LARGE1: variants seen among roughly 807,000 people sequenced by gnomAD.
The protein encoded by LARGE1 is xylosyl- and glucuronyltransferase LARGE1.
In LARGE1, 43 loss-of-function variants were observed where a neutral mutation model predicts 87.6. The observed-to-expected ratio is 0.49, with a 90% CI of 0.38 to 0.63. The LOEUF is 0.63. Among genes scored for constraint, LARGE1 ranks in the 30% least tolerant of loss-of-function variants. The pLI, the probability that LARGE1 is intolerant of heterozygous loss-of-function variation, is 0.00. For synonymous variants in LARGE1, 434 were observed against 394.6 expected, an observed-to-expected ratio of 1.10 and a Z score of -1.18; for missense variants, 802 against 1,000.2, an observed-to-expected ratio of 0.80 and a Z score of 2.67.
At position 33,372,087 on chromosome 22, in the gene LARGE1, G is replaced by A. The variant is rs370835739; in HGVS notation, c.1131+9832C>T. ...ATGTACTTTAAAATCATAAGGTTAT[G>A]CTATGTTACATTAAATAAAAAACAC... On this transcript the variant is annotated intron_variant, in intron 9 of 14. Transcript: ENST00000397394. 2.6e-5 allele frequency among the ~76,000 whole-genome samples: 4 copies of A among 152,088 alleles called. No individual in the cohort carries two copies. The East Asian group carries it at 5.8e-4, about 22-fold the overall frequency.
intron 7 of LARGE1, among the ~76,000 whole-genome samples, chr22:33,427,289 G>A (rs1160451516): frequency 6.6e-6 from 1 of 152,212 alleles, no homozygotes; most frequent in Non-Finnish European, 1.5e-5. Context: ...ATGGGCAAGA[G>A]CTTCATGCTA....
chr22:33,835,103 C>T (rs1409299486), intron 1 of LARGE1, among the ~76,000 whole-genome samples: 1 of 152,224 alleles, frequency 6.6e-6, no homozygotes, highest in African/African-American at 2.4e-5. Flanking sequence ...CACTCTCCAC[C>T]AGGGAAAATT....
chr22:33,818,719 A>T (rs2086730997), intron 1 of LARGE1, among the ~76,000 whole-genome samples: 1 of 152,168 alleles, frequency 6.6e-6, no homozygotes, highest in Admixed American at 6.5e-5. Flanking sequence ...CCTACCGAAC[A>T]ATGAAAACAA....
At chr22:33,311,297 G>A (rs2146252897) in intron 11 of LARGE1, among the ~76,000 whole-genome samples, 1 of 152,280 alleles carries the variant, frequency 6.6e-6, no homozygotes, top group East Asian at 1.9e-4. Flanking sequence ...CTGCAGCCCA[G>A]GCCAGAAGGA....
chr22:33,632,162 G>T (rs984265150), intron 3 of LARGE1, among the ~76,000 whole-genome samples: 1 of 152,082 alleles, frequency 6.6e-6, no homozygotes, highest in African/African-American at 2.4e-5. Context: ...TCGATCTATC[G>T]CCCAGGCTGG....
At position 33,304,729 on chromosome 22, in the gene LARGE1, T is replaced by TAC. The variant is rs879440529; in HGVS notation, c.1452-223_1452-222insGT. On this transcript the variant is annotated intron_variant, in intron 11 of 14. Coordinates refer to ENST00000397394, the MANE Select transcript of LARGE1 (RefSeq NM_133642.5). ...TCCCTGCTTCCAACTGAACATGTGA[T>TAC]ATGAAGTTGTATCCCACTATAAGCC... 8.6e-3 allele frequency among the ~76,000 whole-genome samples: 1,312 copies of TAC among 152,310 alleles called. 12 individuals carry two copies. The highest frequency in any genetic ancestry group is 0.03 in the African/African-American group (1,239 of 41,570).
intron 2 of LARGE1, among the ~76,000 whole-genome samples, chr22:33,685,896 A>G (rs1447921563): frequency 6.6e-6 from 1 of 152,234 alleles, no homozygotes; most frequent in Non-Finnish European, 1.5e-5. Context: ...TAAAATGTGG[A>G]CCATCACTGC....
intron 2 of LARGE1, among the ~76,000 whole-genome samples, chr22:33,753,539 G>A (rs2084398975): frequency 6.6e-6 from 1 of 152,004 alleles, no homozygotes; most frequent in South Asian, 2.1e-4. Context: ...ATAAATGTAT[G>A]GTTTTTTTTT....
At chr22:33,093,982 C>T in the LARGE1 span, among the ~76,000 whole-genome samples, 2 of 151,694 alleles carry the variant, frequency 1.3e-5, no homozygotes, top group African/African-American at 4.8e-5. Flanking sequence ...AAAGTCCCGA[C>T]CTCAGGTGAT....
At chr22:33,634,236 C>A (rs1245848875) in intron 3 of LARGE1, among the ~76,000 whole-genome samples, 1 of 152,142 alleles carries the variant, frequency 6.6e-6, no homozygotes, top group Non-Finnish European at 1.5e-5. Context: ...TCTCCAACTC[C>A]AGTATGCATC....
At chr22:33,156,143 G>A in the LARGE1 span, among the ~76,000 whole-genome samples, 6 of 152,330 alleles carry the variant, frequency 3.9e-5, no homozygotes, top group African/African-American at 1.4e-4. Context: ...AGGGCAGTGT[G>A]GAAGGGACAT....
At position 33,519,401 on chromosome 22, in the gene LARGE1, A is replaced by G. The variant is rs927299737; in HGVS notation, c.787+45447T>C. Among the ~76,000 whole-genome samples, 8 of 152,232 alleles carry G rather than the reference A, an allele frequency of 5.3e-5. No individual in the cohort carries two copies. The South Asian group carries it at 1.7e-3, about 32-fold the overall frequency. On this transcript the variant is annotated intron_variant, in intron 6 of 14. Transcript: ENST00000397394. ...TCCACTCTGCCACGGGGATATCTAAATTATACTTACAGAAACCTCAACTCT... is the reference window on the plus strand; with the variant it reads ...TCCACTCTGCCACGGGGATATCTAAGTTATACTTACAGAAACCTCAACTCT...
chr22:33,407,498 T>C (rs181482993), intron 7 of LARGE1, among the ~76,000 whole-genome samples: 5 of 152,344 alleles, frequency 3.3e-5, no homozygotes, highest in Admixed American at 2.6e-4. Flanking sequence ...TTTTTGTGCC[T>C]ATATAGGAAA....
chr22:33,453,361 G>A (rs2068013952), intron 6 of LARGE1, among the ~76,000 whole-genome samples: 1 of 151,726 alleles, frequency 6.6e-6, no homozygotes, highest in Admixed American at 6.6e-5. Context: ...GTTGCAGTGA[G>A]CCAAGATCGT....
At chr22:33,773,949 C>T (rs1026650080) in intron 1 of LARGE1, among the ~76,000 whole-genome samples, 2 of 152,110 alleles carry the variant, frequency 1.3e-5, no homozygotes, top group African/African-American at 4.8e-5. Flanking sequence ...TGTTTGTTTG[C>T]TTTGATAACC....
At chr22:33,475,941 A>G (rs2069059614) in intron 6 of LARGE1, among the ~76,000 whole-genome samples, 2 of 152,224 alleles carry the variant, frequency 1.3e-5, no homozygotes, top group African/African-American at 4.8e-5. Flanking sequence ...AAAATCACTA[A>G]GCCAAAGATA....
At chr22:33,651,590 T>C (rs2080820868) in intron 2 of LARGE1, among the ~76,000 whole-genome samples, 1 of 152,118 alleles carries the variant, frequency 6.6e-6, no homozygotes, top group Non-Finnish European at 1.5e-5. Context: ...AAAACATGTA[T>C]CTGCCATACT....
intron 10 of LARGE1, among the ~76,000 whole-genome samples, chr22:33,319,702 T>C (rs1051774962): frequency 6.6e-6 from 1 of 152,142 alleles, no homozygotes; most frequent in Non-Finnish European, 1.5e-5. Context: ...GGCCAATAAA[T>C]GCTTCTTGAA....
intron 5 of LARGE1, among the ~76,000 whole-genome samples, chr22:33,574,241 T>G (rs1431834857): frequency 6.6e-6 from 1 of 152,136 alleles, no homozygotes; most frequent in Non-Finnish European, 1.5e-5. Flanking sequence ...TGACCCCTTT[T>G]GGAGATCAAA....
Sources: gnomAD v4.1 joint callset for allele counts (sites outside exome capture counted in the v4.1 genomes callset) on GRCh38, gnomAD v4.1.1 for gene constraint, MANE v1.5 for transcripts, NCBI Gene and HGNC (gene_info 2026-07-23, HGNC 2026-07-21) for gene names.